Variants in GRM5 observed in about 807,000 individuals in gnomAD.
GRM5 encodes the protein metabotropic glutamate receptor 5.
In GRM5, 19 loss-of-function variants were observed where a neutral mutation model predicts 83.1. That is an observed-to-expected ratio of 0.23 (90% CI 0.16 to 0.34). GRM5 has a LOEUF of 0.34. GRM5 is among the 10% of genes least tolerant of loss of function. The pLI, the probability that GRM5 is intolerant of heterozygous loss-of-function variation, is 1.00. For missense variants in GRM5, 1,160 were observed against 1,588.3 expected (o/e 0.73, Z 4.58); for synonymous variants, 675 against 633.6 (o/e 1.07, Z -0.98).
intron 8 of GRM5, among the ~76,000 whole-genome samples, chr11:88,528,101 GAAACAAA>G (rs1331393117): frequency 1.0e-5 from 1 of 98,014 alleles, no homozygotes; most frequent in East Asian, 3.4e-4. Context: ...AAAAACCATA[GAAACAAA>G]ACAAAAAACA....
At chr11:89,016,959 C>A (rs1041919148) in intron 2 of GRM5, among the ~76,000 whole-genome samples, 1 of 152,064 alleles carries the variant, frequency 6.6e-6, no homozygotes, top group Non-Finnish European at 1.5e-5. Flanking sequence ...AAAAGCTATA[C>A]ATTTTAACTA....
At chr11:89,040,695 T>C (rs1349645207) in intron 2 of GRM5, among the ~76,000 whole-genome samples, 2 of 151,290 alleles carry the variant, frequency 1.3e-5, no homozygotes, top group Non-Finnish European at 2.9e-5. Flanking sequence ...AGAGAGACCC[T>C]GTCTCAAAGA....
At chr11:88,933,306 A>G (rs1363442429) in intron 2 of GRM5, among the ~76,000 whole-genome samples, 1 of 150,776 alleles carries the variant, frequency 6.6e-6, no homozygotes, top group Non-Finnish European at 1.5e-5. Flanking sequence ...AAAAAATAAT[A>G]ATAACAGCAA....
chr11:88,616,714 A>C (rs1178242646), intron 4 of GRM5, among the ~76,000 whole-genome samples: 1 of 152,206 alleles, frequency 6.6e-6, no homozygotes, highest in African/African-American at 2.4e-5. Flanking sequence ...GAAATCACTA[A>C]TACATAATTA....
At chr11:88,990,915 G>A (rs1431045216) in intron 2 of GRM5, among the ~76,000 whole-genome samples, 1 of 152,082 alleles carries the variant, frequency 6.6e-6, no homozygotes, top group Non-Finnish European at 1.5e-5. Flanking sequence ...CGTACTGAAT[G>A]GGCAAAAACT....
intron 7 of GRM5, among the ~76,000 whole-genome samples, chr11:88,577,275 C>T (rs185498174): frequency 6.6e-6 from 1 of 152,184 alleles, no homozygotes; most frequent in Non-Finnish European, 1.5e-5. Flanking sequence ...AAGTATTCTC[C>T]AGTTGAGCTA....
chr11:88,979,150 G>A (rs1341598136), intron 2 of GRM5, among the ~76,000 whole-genome samples: 4 of 152,106 alleles, frequency 2.6e-5, no homozygotes, highest in East Asian at 1.9e-4. Context: ...GAAAGTCACA[G>A]GCAGGTGAAA....
chr11:88,849,820 AT>A (rs1191137982), intron 3 of GRM5, 85 bp downstream of exon 3: 1 of 1,294,928 alleles, frequency 7.7e-7, no homozygotes, highest in African/African-American at 1.5e-5. Flanking sequence ...CTTTGAAAGA[AT>A]TTTTTATCAT....
At chr11:88,660,484 C>T (rs1471212439) in intron 3 of GRM5, among the ~76,000 whole-genome samples, 2 of 152,264 alleles carry the variant, frequency 1.3e-5, no homozygotes, top group African/African-American at 4.8e-5. Context: ...GGAAGGCATC[C>T]CATGGTGCTA....
chr11:88,957,855 AT>A (rs1408516648), intron 2 of GRM5, among the ~76,000 whole-genome samples: 4 of 152,142 alleles, frequency 2.6e-5, no homozygotes, highest in African/African-American at 9.7e-5. Flanking sequence ...AAGTATCCAA[AT>A]TTATCCCACA....
intron 3 of GRM5, among the ~76,000 whole-genome samples, chr11:88,806,814 C>G (rs1943507040): frequency 6.6e-6 from 1 of 152,072 alleles, no homozygotes; most frequent in Non-Finnish European, 1.5e-5. Context: ...TGTATTCTTT[C>G]AATGTGTTAA....
intron 2 of GRM5, among the ~76,000 whole-genome samples, chr11:88,910,054 C>T (rs1945470379): frequency 1.3e-5 from 2 of 152,026 alleles, no homozygotes; most frequent in Non-Finnish European, 2.9e-5. Flanking sequence ...AACTCCATCC[C>T]CACTAAGCAA....
At chr11:88,925,771 G>T in intron 2 of GRM5, 1 of 453,196 alleles carries the variant, frequency 2.2e-6, no homozygotes, top group South Asian at 1.6e-5. Context: ...AATTACCTGG[G>T]TGTGGTACAT....
At chr11:89,060,094 C>T (rs1384075699) in intron 1 of GRM5, among the ~76,000 whole-genome samples, 1 of 152,014 alleles carries the variant, frequency 6.6e-6, no homozygotes, top group South Asian at 2.1e-4. Context: ...TCACTGGAAA[C>T]CACAGTAAAA....
intron 4 of GRM5, among the ~76,000 whole-genome samples, chr11:88,648,643 T>A (rs1939534782): frequency 2.1e-5 from 1 of 48,448 alleles, no homozygotes; most frequent in Non-Finnish European, 7.1e-5. Flanking sequence ...CCCTAAAACT[T>A]AAAGTATAAT....
intron 3 of GRM5, among the ~76,000 whole-genome samples, chr11:88,720,024 C>G (rs1216698926): frequency 6.6e-6 from 1 of 152,038 alleles, no homozygotes; most frequent in Non-Finnish European, 1.5e-5. Context: ...TGTCTGTTTA[C>G]TCTGTTAATA....
chr11:88,957,578 A>AAATC (rs1289457195), intron 2 of GRM5, among the ~76,000 whole-genome samples: 1 of 152,212 alleles, frequency 6.6e-6, no homozygotes, highest in Non-Finnish European at 1.5e-5. Flanking sequence ...CATCACTATA[A>AAATC]AATCACAGAA....
At chr11:88,676,671 AAGTGTATG>A (rs758676081) in intron 3 of GRM5, among the ~76,000 whole-genome samples, 2 of 152,100 alleles carry the variant, frequency 1.3e-5, no homozygotes, top group Non-Finnish European at 2.9e-5. Flanking sequence ...TGGAATGAAT[AAGTGTATG>A]AGACACCATG....
At chr11:89,019,758 C>T (rs932112606) in intron 2 of GRM5, among the ~76,000 whole-genome samples, 5 of 152,182 alleles carry the variant, frequency 3.3e-5, no homozygotes, top group East Asian at 3.9e-4. Flanking sequence ...TCCCAAATTT[C>T]GGAGTGGAAG....
Sources: gnomAD v4.1 joint callset for allele counts (sites outside exome capture counted in the v4.1 genomes callset) on GRCh38, gnomAD v4.1.1 for gene constraint, MANE v1.5 for transcripts, NCBI Gene and HGNC (gene_info 2026-07-23, HGNC 2026-07-21) for gene names.